The following E2F3 variants were observed in gnomAD, a reference collection of about 807,000 sequenced individuals.
E2F3 encodes the protein transcription factor E2F3.
A neutral mutation model predicts 44.4 loss-of-function variants in E2F3; 11 were observed. The ratio of observed to expected loss-of-function variants is 0.25; its 90% CI spans 0.16 to 0.41. E2F3 has a LOEUF of 0.41. E2F3 is among the 10% of genes least tolerant of loss of function. E2F3 has a pLI of 1.00. For missense variants in E2F3, 487 were observed against 583.6 expected (o/e 0.83, Z 1.70); for synonymous variants, 249 against 253.0 (o/e 0.98, Z 0.15).
At chr6:20,412,604 C>T (rs1480820720) in intron 1 of E2F3, among the ~76,000 whole-genome samples, 5 of 139,444 alleles carry the variant, frequency 3.6e-5, no homozygotes, top group African/African-American at 1.0e-4. Flanking sequence ...AAGGGCTGGG[C>T]GGGGAGTAGA....
chr6:20,430,746 A>G (rs562013530), intron 1 of E2F3, among the ~76,000 whole-genome samples: 2 of 152,336 alleles, frequency 1.3e-5, no homozygotes, highest in South Asian at 2.1e-4. Flanking sequence ...GCCTGTTGCA[A>G]TAGAGGGACA....
intron 1 of E2F3, among the ~76,000 whole-genome samples, chr6:20,472,184 G>A (rs1443847370): frequency 6.6e-6 from 1 of 151,996 alleles, no homozygotes; most frequent in East Asian, 1.9e-4. Context: ...ATTTGACTGA[G>A]TGCATGCCAT....
chr6:20,409,145 A>G (rs1759584237), intron 1 of E2F3, among the ~76,000 whole-genome samples: 1 of 152,170 alleles, frequency 6.6e-6, no homozygotes, highest in African/African-American at 2.4e-5. Flanking sequence ...CATGAACCCT[A>G]TATGGGAAAA....
Position 20,482,599 on chromosome 6 carries a change from AATAT to A in E2F3, c.726-144_726-141del, listed in dbSNP as rs148425868. Reference sequence around the variant, plus strand: ...GCAGAACTGTATTTATGAAAAAAAAAATATATATATATATATATATATGTGTAAA... The same window carrying A: ...GCAGAACTGTATTTATGAAAAAAAAAATATATATATATATATATGTGTAAA... On this transcript the variant is annotated intron_variant, in intron 3 of 6. Coordinates refer to ENST00000346618, the MANE Select transcript of E2F3 (RefSeq NM_001949.5). 9.3e-3 allele frequency among the ~76,000 whole-genome samples: 1,250 copies of A among 134,488 alleles called. 17 individuals are homozygous for A. Among genetic ancestry groups the A allele is most frequent in the African/African-American group, 0.029 (1,096 of 38,124 alleles). 88.2% of individuals were successfully genotyped at this position (134,488 alleles called of 152,430 possible). A position where few individuals can be genotyped will look rare whatever the true frequency, so the allele number is the denominator to read the frequency against.
At chr6:20,473,068 A>G (rs369992400) in intron 1 of E2F3, among the ~76,000 whole-genome samples, 6 of 152,354 alleles carry the variant, frequency 3.9e-5, no homozygotes, top group African/African-American at 1.4e-4. Context: ...AAGGATATCC[A>G]AGTAACTTCA....
At chr6:20,420,438 GGTGTGTGTGT>G (rs35566563) in intron 1 of E2F3, among the ~76,000 whole-genome samples, 2 of 148,878 alleles carry the variant, frequency 1.3e-5, no homozygotes, top group African/African-American at 4.9e-5. Context: ...GGCTTTCTCT[GGTGTGTGTGT>G]GTGTGTGTGT....
At chr6:20,475,831 A>AT (rs1451881637) in intron 1 of E2F3, among the ~76,000 whole-genome samples, 4 of 152,142 alleles carry the variant, frequency 2.6e-5, no homozygotes, top group Non-Finnish European at 4.4e-5. Flanking sequence ...ATACAGCTCT[A>AT]TGTCTCCTTA....
intron 1 of E2F3, among the ~76,000 whole-genome samples, chr6:20,428,201 C>A (rs9465741): frequency 0.42 from 63,587 of 151,898 alleles, 14,722 homozygotes; most frequent in Non-Finnish European, 0.54. Flanking sequence ...CTTTTCTAGA[C>A]CCAAACTTCC....
At position 20,492,993 on chromosome 6, in the gene E2F3, GAAAAT is replaced by G. The variant is rs1762594951; in HGVS notation, c.*2569_*2573del. 4.7e-6 allele frequency: 1 copy of G among 214,626 alleles called. No homozygotes were observed. The highest frequency in any genetic ancestry group is 5.8e-5 in the Admixed American group (1 of 17,122). 13.3% of individuals were successfully genotyped at this position (214,626 alleles called of 1,614,324 possible). A position where few individuals can be genotyped will look rare whatever the true frequency, so the allele number is the denominator to read the frequency against. ...GCAAATTATGACTGCGTGAGCCTTA[GAAAAT>G]AAAATGTATAAAGGGCAACACATGA... On this transcript the variant is annotated 3_prime_UTR_variant, in exon 7 of 7. Coordinates refer to ENST00000346618, the MANE Select transcript of E2F3 (RefSeq NM_001949.5).
chr6:20,452,789 T>C (rs1261805207), intron 1 of E2F3, among the ~76,000 whole-genome samples: 1 of 151,946 alleles, frequency 6.6e-6, no homozygotes, highest in Non-Finnish European at 1.5e-5. Flanking sequence ...CCGTCTCTAC[T>C]GAAAATACAA....
Position 20,486,312 on chromosome 6 carries a change from G to A in E2F3, c.885-377G>A, listed in dbSNP as rs867834568. ...TTTTGAGAAGGAGTCTCGCTCTGTCGCCCAGGCTGGAGTGCAGTGGCGCGA... is the reference window on the plus strand; with the variant it reads ...TTTTGAGAAGGAGTCTCGCTCTGTCACCCAGGCTGGAGTGCAGTGGCGCGA... On this transcript the variant is annotated intron_variant, in intron 4 of 6. Transcript: ENST00000346618. Among the ~76,000 whole-genome samples, 125 of 152,214 alleles carry A rather than the reference G, an allele frequency of 8.2e-4. No homozygotes were observed. The Middle Eastern group carries it at 0.017, about 21-fold the overall frequency.
chr6:20,457,355 T>TTC (rs1245055210), intron 1 of E2F3, among the ~76,000 whole-genome samples: 1 of 146,320 alleles, frequency 6.8e-6, no homozygotes, highest in Non-Finnish European at 1.5e-5. Flanking sequence ...TTTCTTTTTT[T>TTC]TTTTTTTTTT....
At chr6:20,450,313 T>A (rs1761087518) in intron 1 of E2F3, among the ~76,000 whole-genome samples, 1 of 152,172 alleles carries the variant, frequency 6.6e-6, no homozygotes, top group Non-Finnish European at 1.5e-5. Context: ...ATAATAGACA[T>A]TCTGTCTGGT....
At position 20,433,160 on chromosome 6, in the gene E2F3, G is replaced by A. The variant is rs990281240; in HGVS notation, c.393+30535G>A. Among the ~76,000 whole-genome samples the A allele has an allele frequency of 2.0e-5, 3 of 152,214 alleles. 1 individual carries two copies. The highest frequency in any genetic ancestry group is 1.3e-4 in the Admixed American group (2 of 15,284). On this transcript the variant is annotated intron_variant, in intron 1 of 6. Coordinates refer to ENST00000346618, the MANE Select transcript of E2F3 (RefSeq NM_001949.5). ...AAGGAAGCTGGCAGTGGGTGGACTC[G>A]CTGAGATTAAGGGGCATGGAAGATT...
rs1008236288 is a variant in E2F3 at position 20,401,914 on chromosome 6, TCAGCTGCCGGCCG to T, written c.-314_-302del. ...AGCAGCAGCTTCCTGGAGCCATTTT[TCAGCTGCCGGCCG>T]CAGCACCCGGGCTGCCGCCGCCGCC... On this transcript the variant is annotated 5_prime_UTR_variant, in exon 1 of 7. Transcript: ENST00000346618. 1 of 394,720 alleles carries T rather than the reference TCAGCTGCCGGCCG, an allele frequency of 2.5e-6. No individual in the cohort carries two copies. The highest frequency in any genetic ancestry group is 2.1e-5 in the African/African-American group (1 of 47,926). 24.5% of individuals were successfully genotyped at this position (394,720 alleles called of 1,614,324 possible).
chr6:20,471,452 C>T (rs1434935544), intron 1 of E2F3, among the ~76,000 whole-genome samples: 1 of 152,040 alleles, frequency 6.6e-6, no homozygotes, highest in East Asian at 1.9e-4. Flanking sequence ...TGTGGTGGTG[C>T]ACGCCTGTAA....
intron 4 of E2F3, among the ~76,000 whole-genome samples, chr6:20,485,505 A>G (rs896166316): frequency 2.0e-5 from 3 of 152,140 alleles, no homozygotes; most frequent in African/African-American, 7.2e-5. Flanking sequence ...ATTTAACCCC[A>G]GAGACGGAGG....
chr6:20,490,322 G>T lies in E2F3; in HGVS notation c.1290G>T (p.Leu430=), dbSNP rs770474041. The T allele has an allele frequency of 1.7e-5, 28 of 1,614,022 alleles. No homozygotes were observed. Among genetic ancestry groups the T allele is most frequent in the Non-Finnish European group, 2.3e-5 (27 of 1,180,008 alleles). Residue 430 remains leucine (L), a synonymous_variant, in exon 7 of 7, where the codon CTG becomes CTT. Coordinates refer to ENST00000346618, the MANE Select transcript of E2F3 (RefSeq NM_001949.5). This position sits in a 1 kb window ranked among gnomAD's most constrained non-coding sequence, Gnocchi z 4.3. ...GPFVNLLPPL[L]QEDYLLSLGE... ...TTGTGAACTTACTGCCTCCCCTGCT[G>T]CAAGAGGACTATCTCCTGAGCCTCG...
intron 1 of E2F3, among the ~76,000 whole-genome samples, chr6:20,419,598 C>G (rs1445361807): frequency 6.6e-6 from 1 of 152,038 alleles, no homozygotes; most frequent in Non-Finnish European, 1.5e-5. Flanking sequence ...GAGTCTTGCT[C>G]TGTTGCCCAG....
Sources: gnomAD v4.1 joint callset for allele counts (sites outside exome capture counted in the v4.1 genomes callset) on GRCh38, gnomAD v4.1.1 for gene constraint, Gnocchi (gnomAD v3.1) non-coding constraint, MANE v1.5 for transcripts, NCBI Gene and HGNC (gene_info 2026-07-23, HGNC 2026-07-21) for gene names.